Variants in ROBO2 observed in about 807,000 individuals in gnomAD.
The protein encoded by ROBO2 is roundabout homolog 2.
ROBO2 carries 53 observed loss-of-function variants against 160.8 expected under a neutral mutation model. The ratio of observed to expected loss-of-function variants is 0.33; its 90% confidence interval spans 0.26 to 0.41. ROBO2 has a LOEUF of 0.41. Ranked by LOEUF, ROBO2 falls within the 10% of genes least tolerant of loss-of-function variation. ROBO2 has a pLI of 1.00. For synonymous variants in ROBO2, 664 were observed against 611.7 expected (o/e 1.09, Z -1.26); for missense variants, 1,577 against 1,722.4 (o/e 0.92, Z 1.49).
chr3:77,235,449 T>C (rs1043860606), intron 2 of ROBO2, among the ~76,000 whole-genome samples: 1 of 150,966 alleles, frequency 6.6e-6, no homozygotes, highest in African/African-American at 2.4e-5. Flanking sequence ...GCCTCCCGGG[T>C]TCACGCCAGA....
At chr3:76,769,036 G>A (rs2061730546) in intron 2 of ROBO2, among the ~76,000 whole-genome samples, 1 of 151,316 alleles carries the variant, frequency 6.6e-6, no homozygotes, top group Non-Finnish European at 1.5e-5. Flanking sequence ...TAGATTAGAA[G>A]CACATAATAG....
intron 2 of ROBO2, among the ~76,000 whole-genome samples, chr3:76,707,248 C>T (rs977061469): frequency 2.0e-4 from 30 of 152,164 alleles, no homozygotes; most frequent in African/African-American, 7.0e-4. Context: ...CCGCACTAAT[C>T]TACAAAAATA....
In ROBO2 at chr3:76,305,501, C is replaced by G. The variant is rs1045892948; in HGVS notation, c.109+367899C>G. Among the ~76,000 whole-genome samples, 3 of 148,182 alleles carry G rather than the reference C, an allele frequency of 2.0e-5. No homozygotes were observed. In the Admixed American group the frequency reaches 2.0e-4, roughly 10 times the overall value. On this transcript the variant is annotated intron_variant, in intron 2 of 26. Transcript: ENST00000487694. ...ATCGGCAGGGTGTGGTGATTTATGC[C>G]TGTAATCCCAGCACATTGGGTGGCT...
intron 2 of ROBO2, among the ~76,000 whole-genome samples, chr3:76,727,156 A>T (rs1336806299): frequency 6.6e-6 from 1 of 152,186 alleles, no homozygotes; most frequent in Non-Finnish European, 1.5e-5. Flanking sequence ...TGTAACATAG[A>T]AAAAGCTGAT....
At chr3:76,049,213 T>A (rs2107804610) in intron 2 of ROBO2, among the ~76,000 whole-genome samples, 1 of 151,162 alleles carries the variant, frequency 6.6e-6, no homozygotes, top group African/African-American at 2.4e-5. Context: ...TCACAAGCAT[T>A]TTCTGTTTTT....
chr3:77,271,103 T>C (rs908244574), intron 2 of ROBO2, among the ~76,000 whole-genome samples: 7 of 152,148 alleles, frequency 4.6e-5, no homozygotes, highest in Admixed American at 2.6e-4. Context: ...GCAAACACTA[T>C]ATGTTATCAT....
chr3:77,439,498 A>T (rs1370115787), intron 2 of ROBO2, among the ~76,000 whole-genome samples: 2 of 152,164 alleles, frequency 1.3e-5, no homozygotes, highest in African/African-American at 2.4e-5. Context: ...AAAAAGATGG[A>T]CTGCATTTTT....
At chr3:76,768,842 T>G (rs2061717121) in intron 2 of ROBO2, among the ~76,000 whole-genome samples, 1 of 151,296 alleles carries the variant, frequency 6.6e-6, no homozygotes, top group Admixed American at 6.6e-5. Flanking sequence ...TATACATAAT[T>G]ATTTTTTCAT....
chr3:76,214,148 C>G (rs1703336727), intron 2 of ROBO2, among the ~76,000 whole-genome samples: 1 of 152,130 alleles, frequency 6.6e-6, no homozygotes, highest in African/African-American at 2.4e-5. Context: ...TCTCCTTAAA[C>G]TATACTTGCT....
At chr3:76,673,706 C>G (rs2092330090) in intron 2 of ROBO2, among the ~76,000 whole-genome samples, 1 of 151,706 alleles carries the variant, frequency 6.6e-6, no homozygotes, top group Non-Finnish European at 1.5e-5. Context: ...TTTCTAGGAC[C>G]AATAGGATCG....
chr3:76,283,970 G>A (rs34261831), intron 2 of ROBO2, among the ~76,000 whole-genome samples: 27,024 of 151,704 alleles, frequency 0.18, 3,828 homozygotes, highest in East Asian at 0.41. Flanking sequence ...CCTGAAATTC[G>A]TAATAACTAC....
chr3:76,594,379 C>A lies in ROBO2; in HGVS notation c.110-503635C>A, dbSNP rs888772099. ...TCATTTAGATTTAAGTTATTATCAT[C>A]ATTTGGGTTATCAGAAAGGAAAAAT... On this transcript the variant is annotated intron_variant, in intron 2 of 26. Coordinates refer to the ROBO2 transcript ENST00000487694. 3.3e-5 allele frequency among the ~76,000 whole-genome samples: 5 copies of A among 151,996 alleles called. No homozygotes were observed. In the South Asian group the frequency reaches 8.3e-4, roughly 25 times the overall value.
At chr3:75,965,891 A>G (rs1158032205) in intron 2 of ROBO2, among the ~76,000 whole-genome samples, 3 of 151,748 alleles carry the variant, frequency 2.0e-5, no homozygotes, top group Admixed American at 2.0e-4. Flanking sequence ...AAAGTATCTT[A>G]ATCTATCCAA....
chr3:77,475,850 C>T (rs1326633224), intron 2 of ROBO2, among the ~76,000 whole-genome samples: 1 of 152,174 alleles, frequency 6.6e-6, no homozygotes, highest in African/African-American at 2.4e-5. Context: ...AGCAAATCCT[C>T]ATGCATATAA....
At chr3:76,588,668 C>G (rs1366327540) in intron 2 of ROBO2, among the ~76,000 whole-genome samples, 2 of 152,060 alleles carry the variant, frequency 1.3e-5, no homozygotes, top group Admixed American at 1.3e-4. Context: ...GTGATAGATA[C>G]GTATCACATC....
At chr3:77,197,349 A>G (rs895372735) in intron 2 of ROBO2, among the ~76,000 whole-genome samples, 12 of 152,218 alleles carry the variant, frequency 7.9e-5, no homozygotes, top group African/African-American at 2.9e-4. Context: ...TCTACTTCGC[A>G]ATGAATATTC....
chr3:77,545,609 G>A (rs563232927), intron 6 of ROBO2, among the ~76,000 whole-genome samples: 10 of 152,024 alleles, frequency 6.6e-5, no homozygotes, highest in Admixed American at 1.3e-4. Flanking sequence ...ATTTCCCTTA[G>A]ACTCTAAGCT....
chr3:76,025,992 C>A (rs1253641055), intron 2 of ROBO2, among the ~76,000 whole-genome samples: 1 of 151,942 alleles, frequency 6.6e-6, no homozygotes, highest in East Asian at 1.9e-4. Context: ...TGTCTAAAAC[C>A]AATCTCACTG....
intron 2 of ROBO2, among the ~76,000 whole-genome samples, chr3:75,995,479 A>G (rs2065699417): frequency 6.6e-6 from 1 of 152,206 alleles, no homozygotes; most frequent in African/African-American, 2.4e-5. Context: ...TAGATTTCAG[A>G]AAATGTATGG....
Sources: allele counts gnomAD v4.1 joint callset (sites outside exome capture counted in the v4.1 genomes callset), GRCh38; gene constraint gnomAD v4.1.1; transcripts MANE v1.5; gene names NCBI Gene and HGNC (gene_info 2026-07-23, HGNC 2026-07-21).